SKA3: variants seen among roughly 807,000 people sequenced by gnomAD.
SKA3 encodes spindle and kinetochore-associated protein 3.
In SKA3, 39 loss-of-function variants were observed where a neutral mutation model predicts 44.2. That is an observed-to-expected ratio of 0.88 (90% CI 0.68 to 1.15). SKA3 has a LOEUF of 1.15. Ranked by LOEUF, SKA3 falls within the 50% of genes most tolerant of loss-of-function variation. The probability of loss-of-function intolerance (pLI) is 0.00; values close to 1 mark genes in which losing one functional copy is unlikely to be tolerated. For missense variants in SKA3, 511 were observed against 485.8 expected, an observed-to-expected ratio of 1.05 and a Z score of -0.49; for synonymous variants, 192 against 172.0, an observed-to-expected ratio of 1.12 and a Z score of -0.91.
At position 21,154,472 on chromosome 13, in the gene SKA3, C is replaced by T. The variant is rs1869982436; in HGVS notation, c.*678G>A. ...TGCAGAGTGGAGCGTGAGAGGTCAG[C>T]TGCCATGTGATAGAAAGAGCTGACA... is the stretch of plus-strand genomic sequence containing the variant. On this transcript the variant is annotated 3_prime_UTR_variant, in exon 9 of 9. Coordinates refer to ENST00000314759, the MANE Select transcript of SKA3 (RefSeq NM_145061.6). The T allele has an allele frequency of 6.5e-6, 1 of 153,084 alleles. No individual in the cohort carries two copies. Among genetic ancestry groups the T allele is most frequent in the South Asian group, 2.0e-4 (1 of 4,886 alleles). 9.5% of individuals were successfully genotyped at this position (153,084 alleles called of 1,614,324 possible).
chr13:21,167,989 T>G lies in SKA3; in HGVS notation c.742A>C (p.Ser248Arg), dbSNP rs772322256. Residue 248 changes from serine to arginine, a missense_variant and splice_region_variant, in exon 4 of 9, where the codon AGT becomes CGT. Transcript: ENST00000314759. ...MGLKNARNNKSEEAIDTESRL... is the reference protein window; with the variant it reads ...MGLKNARNNKREEAIDTESRL... ...ATGCCTTTTAACAGAGCTGCTTACC[T>G]TTTATTATTCCTCGCATTTTTAAGT... The G allele has an allele frequency of 1.3e-6, 2 of 1,569,848 alleles. No homozygotes were observed. The highest frequency in any genetic ancestry group is 1.7e-6 in the Non-Finnish European group (2 of 1,158,118).
chr13:21,156,557 T>C (rs989542029), intron 7 of SKA3, among the ~76,000 whole-genome samples: 11 of 152,216 alleles, frequency 7.2e-5, no homozygotes, highest in African/African-American at 2.7e-4. Context: ...GGAAACTATA[T>C]AATTTTCATA....
rs1269588083 is a variant in SKA3 at position 21,153,933 on chromosome 13, T to G, written c.*1217A>C. ...AGTATCTTAACATTTTATTTTACATTATATTTAATAAAAATAATACTTACA... is the reference window on the plus strand; with the variant it reads ...AGTATCTTAACATTTTATTTTACATGATATTTAATAAAAATAATACTTACA... On this transcript the variant is annotated 3_prime_UTR_variant, in exon 9 of 9. Transcript: ENST00000314759. 1 of 152,192 alleles carries G rather than the reference T, an allele frequency of 6.6e-6. No individual in the cohort carries two copies. Among genetic ancestry groups the G allele is most frequent in the Non-Finnish European group, 1.5e-5 (1 of 68,048 alleles). The allele number at this position is 152,192 out of a possible 1,614,324, so 9.4% of individuals were successfully genotyped here. A position where few individuals can be genotyped will look rare whatever the true frequency, so the allele number is the denominator to read the frequency against.
At chr13:21,161,183 T>C (rs184820589) in intron 5 of SKA3, among the ~76,000 whole-genome samples, 4 of 152,158 alleles carry the variant, frequency 2.6e-5, no homozygotes, top group African/African-American at 4.8e-5. Context: ...CTTGAGAGGA[T>C]TGCTTGAGCC....
rs1283939533 is a variant in SKA3 at position 21,158,043 on chromosome 13, T to A, written c.998A>T (p.Asn333Ile). 3 of 1,613,246 alleles carry A rather than the reference T, an allele frequency of 1.9e-6. No individual in the cohort carries two copies. In the African/African-American group the frequency reaches 4.0e-5, roughly 22 times the overall value. The change falls in exon 7 of 9, where the codon AAT becomes ATT. Residue 333 changes from asparagine to isoleucine, a missense_variant. Transcript: ENST00000314759. ...TAAATTCTCAAAGCATGTGTCTGAA[T>A]TTAAAACCAACGAAGTACGATCTTC... is the stretch of plus-strand genomic sequence containing the variant. ...EVEDRTSLVL[N>I]SDTCFENLTD...
Position 21,171,190 on chromosome 13 carries a change from C to G in SKA3, c.331+1149G>C, listed in dbSNP as rs185674733. Among the ~76,000 whole-genome samples, 616 of 152,302 alleles carry G rather than the reference C, an allele frequency of 4.0e-3. 6 individuals carry two copies. The highest frequency in any genetic ancestry group is 0.014 in the African/African-American group (587 of 41,574). On this transcript the variant is annotated intron_variant, in intron 3 of 8. Coordinates refer to ENST00000314759, the MANE Select transcript of SKA3 (RefSeq NM_145061.6). ...TCAATCTCCCACACTGCTGGGGTAA[C>G]AGGCATGAGCCACTGTGCCCGTCTC... is the stretch of plus-strand genomic sequence containing the variant.
In SKA3 at chr13:21,155,813, TAA is replaced by T. The variant is rs11446085; in HGVS notation, c.1120-4_1120-3del. 1.0e-3 allele frequency: 1,117 copies of T among 1,121,538 alleles called. No homozygotes were observed. Among genetic ancestry groups the T allele is most frequent in the Non-Finnish European group, 1.2e-3 (911 of 771,916 alleles). The allele number at this position is 1,121,538 out of a possible 1,614,324, so 69.5% of individuals were successfully genotyped here. A position where few individuals can be genotyped will look rare whatever the true frequency, so the allele number is the denominator to read the frequency against. On this transcript the variant is annotated splice_polypyrimidine_tract_variant and splice_region_variant and intron_variant, in intron 7 of 8. Coordinates refer to ENST00000314759, the MANE Select transcript of SKA3 (RefSeq NM_145061.6). ...GTTTGAGTTGTATTTTGATAAAAGCTAAAAAAAAAAAAGGAAATTCCTTTTTA... is the reference window on the plus strand; with the variant it reads ...GTTTGAGTTGTATTTTGATAAAAGCTAAAAAAAAAAGGAAATTCCTTTTTA...
intron 3 of SKA3, among the ~76,000 whole-genome samples, chr13:21,171,404 G>A (rs1374439896): frequency 1.3e-5 from 2 of 151,982 alleles, no homozygotes; most frequent in African/African-American, 2.4e-5. Context: ...GTGAAACCCC[G>A]TCTCTAATAA....
Position 21,176,510 on chromosome 13 carries a change from C to T in SKA3, c.-33G>A. On this transcript the variant is annotated 5_prime_UTR_variant, in exon 1 of 9. Transcript: ENST00000314759. ...ACAGCGGGGAAGGACTCCAGGCGTA[C>T]GCAGACCCCACCGCTCAGCTCACAG... 4 of 1,430,972 alleles carry T rather than the reference C, an allele frequency of 2.8e-6. No individual in the cohort carries two copies. Among genetic ancestry groups the T allele is most frequent in the South Asian group, 1.4e-5 (1 of 71,372 alleles). 88.6% of individuals were successfully genotyped at this position (1,430,972 alleles called of 1,614,324 possible). A position where few individuals can be genotyped will look rare whatever the true frequency, so the allele number is the denominator to read the frequency against.
chr13:21,159,773 G>T, intron 6 of SKA3, 129 bp downstream of exon 6: 2 of 575,184 alleles, frequency 3.5e-6, no homozygotes, highest in Non-Finnish European at 6.0e-6. Flanking sequence ...CTCCAGAAAT[G>T]CACTGTAAAT....
At chr13:21,164,103 T>C (rs1213988073) in intron 4 of SKA3, among the ~76,000 whole-genome samples, 2 of 152,040 alleles carry the variant, frequency 1.3e-5, no homozygotes, top group Non-Finnish European at 2.9e-5. Context: ...GTTTTAAAAA[T>C]TGGGATGTCT....
chr13:21,155,646 C>T (rs767688657), intron 8 of SKA3, 47 bp downstream of exon 8: 3 of 1,113,882 alleles, frequency 2.7e-6, no homozygotes, highest in Admixed American at 1.8e-5. Context: ...TTTAAATGTC[C>T]TCCTCAAATA....
In SKA3 at chr13:21,155,743, C is replaced by A. The variant is rs527402885; in HGVS notation, c.1188G>T (p.Arg396Ser). ...IAIKAVPPSK[R>S]FLKHGQNIRD... ...GGATGTTCTGTCCATGTTTAAGGAA[C>A]CTTTTACTGGGTGGCACTGCTTTAA... is the stretch of plus-strand genomic sequence containing the variant. The change falls in exon 8 of 9, where the codon AGG becomes AGT. Residue 396 changes from arginine (R) to serine (S), a missense_variant. Coordinates refer to ENST00000314759, the MANE Select transcript of SKA3 (RefSeq NM_145061.6). 14 of 1,612,078 alleles carry A rather than the reference C, an allele frequency of 8.7e-6. No homozygotes were observed. In the South Asian group the frequency reaches 8.8e-5, roughly 10 times the overall value.
At chr13:21,160,085 G>T in intron 5 of SKA3, 98 bp from the exon 6 acceptor site, 1 of 674,174 alleles carries the variant, frequency 1.5e-6, no homozygotes, top group Non-Finnish European at 2.2e-6. Context: ...ATTATCATTA[G>T]CACTACTAAA....
chr13:21,170,022 G>A (rs185564929), intron 3 of SKA3, among the ~76,000 whole-genome samples: 10 of 152,158 alleles, frequency 6.6e-5, no homozygotes, highest in African/African-American at 1.9e-4. Context: ...TTTTAGATTC[G>A]TAACTTCCAG....
At position 21,168,031 on chromosome 13, in the gene SKA3, C is replaced by T; in HGVS notation, c.700G>A (p.Glu234Lys). ...GISEYTMCLN[E>K]DYTMGLKNAR... Reference sequence around the variant, plus strand: ...TTTTTAAGTCCCATTGTGTAATCTTCATTTAAACACATAGTATATTCAGAG... The same window carrying T: ...TTTTTAAGTCCCATTGTGTAATCTTTATTTAAACACATAGTATATTCAGAG... Residue 234 changes from glutamate to lysine, a missense_variant, in exon 4 of 9, where the codon GAA becomes AAA. Physicochemically the swap from Glu to Lys is moderately conservative, Grantham distance 56. Coordinates refer to ENST00000314759, the MANE Select transcript of SKA3 (RefSeq NM_145061.6). 6.2e-7 allele frequency: 1 copy of T among 1,605,154 alleles called. No individual in the cohort carries two copies. Among genetic ancestry groups the T allele is most frequent in the African/African-American group, 1.3e-5 (1 of 74,492 alleles).
intron 4 of SKA3, among the ~76,000 whole-genome samples, chr13:21,165,013 ATAACT>A (rs1437705423): frequency 2.0e-5 from 3 of 152,126 alleles, no homozygotes; most frequent in African/African-American, 4.8e-5. Flanking sequence ...GTTTAAACAG[ATAACT>A]TATCTATATT....
chr13:21,176,512 C>A lies in SKA3; in HGVS notation c.-35G>T. On this transcript the variant is annotated 5_prime_UTR_variant, in exon 1 of 9. Transcript: ENST00000314759. ...AGCGGGGAAGGACTCCAGGCGTACGCAGACCCCACCGCTCAGCTCACAGCC... is the reference window on the plus strand; with the variant it reads ...AGCGGGGAAGGACTCCAGGCGTACGAAGACCCCACCGCTCAGCTCACAGCC... 1 of 1,408,610 alleles carries A rather than the reference C, an allele frequency of 7.1e-7. No homozygotes were observed. Among genetic ancestry groups the A allele is most frequent in the Non-Finnish European group, 9.4e-7 (1 of 1,060,296 alleles). The allele number at this position is 1,408,610 out of a possible 1,614,324, so 87.3% of individuals were successfully genotyped here.
In SKA3 at chr13:21,172,334, C is replaced by G. The variant is rs2137382156; in HGVS notation, c.331+5G>C. 1 of 1,155,554 alleles carries G rather than the reference C, an allele frequency of 8.7e-7. No homozygotes were observed. The highest frequency in any genetic ancestry group is 2.2e-4 in the Middle Eastern group (1 of 4,536). 71.6% of individuals were successfully genotyped at this position (1,155,554 alleles called of 1,614,324 possible). On this transcript the variant is annotated splice_donor_5th_base_variant and intron_variant, in intron 3 of 8. Coordinates refer to ENST00000314759, the MANE Select transcript of SKA3 (RefSeq NM_145061.6). ...ACAAATGCTATAAAATGAAGTTATT[C>G]AAACCTGAATTTTTCTTGACACGTG... is the stretch of plus-strand genomic sequence containing the variant.
Sources: gnomAD v4.1 joint callset for allele counts (sites outside exome capture counted in the v4.1 genomes callset) on GRCh38, gnomAD v4.1.1 for gene constraint, MANE v1.5 for transcripts, NCBI Gene and HGNC (gene_info 2026-07-23, HGNC 2026-07-21) for gene names.